The following ADAM12 variants were observed in gnomAD, a reference collection of about 807,000 sequenced individuals.
The protein encoded by ADAM12 is disintegrin and metalloproteinase domain-containing protein 12.
A neutral mutation model predicts 106.4 loss-of-function variants in ADAM12; 70 were observed. That is an observed-to-expected ratio of 0.66 (90% confidence interval 0.54 to 0.80). The LOEUF (loss-of-function observed/expected upper bound fraction) is 0.80, where lower values mean the gene tolerates loss of function less well. ADAM12 is among the 30% of genes least tolerant of loss of function. ADAM12 has a pLI of 0.00. For missense variants in ADAM12, 1,010 were observed against 1,171.9 expected, an observed-to-expected ratio of 0.86 and a Z score of 2.02; for synonymous variants, 420 against 433.5, an observed-to-expected ratio of 0.97 and a Z score of 0.39.
At chr10:126,346,259 C>T (rs1021856602) in intron 1 of ADAM12, among the ~76,000 whole-genome samples, 2 of 152,136 alleles carry the variant, frequency 1.3e-5, no homozygotes, top group Non-Finnish European at 2.9e-5. Context: ...ATCTTTATTT[C>T]TGCCTTCATT....
intron 3 of ADAM12, among the ~76,000 whole-genome samples, chr10:126,232,862 T>C (rs1360081862): frequency 6.6e-6 from 1 of 152,062 alleles, no homozygotes; most frequent in Non-Finnish European, 1.5e-5. Flanking sequence ...TTAAAAATAT[T>C]TAGAACAGAA....
At chr10:126,181,347 T>C (rs111729844) in intron 3 of ADAM12, among the ~76,000 whole-genome samples, 3,283 of 152,274 alleles carry the variant, frequency 0.022, 126 homozygotes, top group African/African-American at 0.075. Flanking sequence ...GCTGGGATTA[T>C]AGGCATGAGC....
chr10:126,280,460 C>T (rs1714594494), intron 2 of ADAM12, among the ~76,000 whole-genome samples: 1 of 152,174 alleles, frequency 6.6e-6, no homozygotes, highest in Non-Finnish European at 1.5e-5. Context: ...CATTGCCAGA[C>T]TCAATAACTT....
intron 12 of ADAM12, among the ~76,000 whole-genome samples, chr10:126,070,982 G>A (rs1377242894): frequency 3.3e-5 from 5 of 152,180 alleles, no homozygotes; most frequent in African/African-American, 1.2e-4. Flanking sequence ...AAAGCTACAA[G>A]CTCGAGAGGC....
At chr10:126,123,694 C>T (rs949153499) in intron 5 of ADAM12, among the ~76,000 whole-genome samples, 3 of 152,208 alleles carry the variant, frequency 2.0e-5, no homozygotes, top group South Asian at 2.1e-4. Context: ...GGGACCCAGG[C>T]GGGACCTGTG....
rs781384248 is a variant in ADAM12 at position 126,135,649 on chromosome 10, G to A, written c.351C>T (p.Tyr117=). The change falls in exon 5 of 23, where the codon TAC becomes TAT. Residue 117 remains tyrosine (Y), a synonymous_variant. Transcript: ENST00000448723. ...AATATCCCCGTACATGTCCATGGTA[G>A]TAACAGTGACCCTAAAGGGGAGGAG... is the stretch of plus-strand genomic sequence containing the variant. ...SLARNYTGHC[Y]YHGHVRGYSD... 4.3e-6 allele frequency: 7 copies of A among 1,613,984 alleles called. No homozygotes were observed. The highest frequency in any genetic ancestry group is 5.1e-6 in the Non-Finnish European group (6 of 1,179,938).
chr10:126,202,883 T>C (rs2930127), intron 3 of ADAM12, among the ~76,000 whole-genome samples: 43,675 of 151,882 alleles, frequency 0.29, 8,160 homozygotes, highest in African/African-American at 0.54. Context: ...ACTCGATCTT[T>C]AAACCACCGA....
chr10:126,081,568 A>C (rs1338609888), intron 11 of ADAM12, among the ~76,000 whole-genome samples: 1 of 152,222 alleles, frequency 6.6e-6, no homozygotes, highest in Non-Finnish European at 1.5e-5. Flanking sequence ...GGGCAGACCC[A>C]GGAGGCTCTT....
At chr10:126,090,985 T>A (rs1245557477) in intron 11 of ADAM12, 1 of 152,154 alleles carries the variant, frequency 6.6e-6, no homozygotes, top group Non-Finnish European at 1.5e-5. Context: ...TTAACTGACA[T>A]CCCCAAGCCT....
intron 8 of ADAM12, among the ~76,000 whole-genome samples, chr10:126,104,500 C>T (rs371529833): frequency 9.3e-5 from 14 of 150,844 alleles, no homozygotes; most frequent in East Asian, 7.8e-4. Flanking sequence ...AATACATAGA[C>T]GATGAGTCCT....
intron 5 of ADAM12, among the ~76,000 whole-genome samples, chr10:126,131,022 T>A (rs1175840673): frequency 6.6e-6 from 1 of 151,908 alleles, no homozygotes; most frequent in Non-Finnish European, 1.5e-5. Context: ...CTGATCTCAG[T>A]TTTGATAATT....
intron 3 of ADAM12, among the ~76,000 whole-genome samples, chr10:126,261,803 ATTTT>A (rs11316581): frequency 1.1e-4 from 15 of 134,328 alleles, no homozygotes; most frequent in Non-Finnish European, 1.3e-4. Context: ...GATGGATAGT[ATTTT>A]TTTTTTTTTT....
chr10:126,057,856 C>T (rs1396465070), intron 14 of ADAM12, among the ~76,000 whole-genome samples: 2 of 152,198 alleles, frequency 1.3e-5, no homozygotes, highest in African/African-American at 2.4e-5. Flanking sequence ...CTCCCATATC[C>T]CTTCTTCTAG....
intron 3 of ADAM12, among the ~76,000 whole-genome samples, chr10:126,209,149 A>G (rs1175585867): frequency 2.0e-5 from 3 of 152,216 alleles, no homozygotes; most frequent in Non-Finnish European, 4.4e-5. Context: ...AATCCTATCA[A>G]CATAGGAGGG....
rs1389428029 is a variant in ADAM12, at chr10:126,381,986, AAC to A, written c.88+6070_88+6071del. Among the ~76,000 whole-genome samples the A allele has an allele frequency of 2.0e-5, 3 of 151,878 alleles. No individual in the cohort carries two copies. The East Asian group carries it at 5.8e-4, about 29-fold the overall frequency. On this transcript the variant is annotated intron_variant, in intron 1 of 22. Coordinates refer to ENST00000448723, the MANE Select transcript of ADAM12 (RefSeq NM_001288973.2). ...CAAGACCCTGTCTCAAAAAAAAAAA[AAC>A]AATAATAATAATTAAAACACAAAGC...
In ADAM12 at chr10:126,020,711, C is replaced by T. The variant is rs561781982; in HGVS notation, c.2530-886G>A. ...TTTAGTAGAAATAGAAGAAAAACGG[C>T]GGGGCGTGGTAGCTCATGCCTGTAA... On this transcript the variant is annotated intron_variant, in intron 21 of 22. Transcript: ENST00000448723. 2.0e-5 allele frequency among the ~76,000 whole-genome samples: 3 copies of T among 152,154 alleles called. No individual in the cohort carries two copies. The East Asian group carries it at 5.8e-4, about 29-fold the overall frequency.
chr10:126,231,381 A>G (rs1284481779), intron 3 of ADAM12, among the ~76,000 whole-genome samples: 1 of 142,844 alleles, frequency 7.0e-6, no homozygotes, highest in Non-Finnish European at 1.5e-5. Context: ...CAGAAATAGA[A>G]GATTAGTAGG....
chr10:126,259,143 G>A (rs1958950758), intron 3 of ADAM12, among the ~76,000 whole-genome samples: 1 of 151,774 alleles, frequency 6.6e-6, no homozygotes, highest in South Asian at 2.1e-4. Context: ...GGATCTTGGT[G>A]GTCTGTATCT....
intron 6 of ADAM12, among the ~76,000 whole-genome samples, chr10:126,117,419 T>G (rs1260684101): frequency 6.6e-6 from 1 of 152,162 alleles, no homozygotes; most frequent in Non-Finnish European, 1.5e-5. Context: ...AAACACAGAC[T>G]GCTTGGACGG....
Sources: allele counts gnomAD v4.1 joint callset (sites outside exome capture counted in the v4.1 genomes callset), GRCh38; gene constraint gnomAD v4.1.1; transcripts MANE v1.5; gene names NCBI Gene and HGNC (gene_info 2026-07-23, HGNC 2026-07-21).